XYLT2: variants seen among roughly 807,000 people sequenced by gnomAD.
The protein encoded by XYLT2 is xylosyltransferase 2.
In XYLT2, 37 loss-of-function variants were observed where a neutral mutation model predicts 82.6. The ratio of observed to expected loss-of-function variants is 0.45; its 90% CI spans 0.34 to 0.59. The LOEUF (loss-of-function observed/expected upper bound fraction) is 0.59. Among genes scored for constraint, XYLT2 ranks in the 20% least tolerant of loss-of-function variants. The pLI, the probability that XYLT2 is intolerant of heterozygous loss-of-function variation, is 0.01. For synonymous variants in XYLT2, 474 were observed against 499.0 expected (o/e 0.95, Z 0.67); for missense variants, 934 against 1,181.3 (o/e 0.79, Z 3.07).
Position 50,346,330 on chromosome 17 carries a change from T to TGGCGGGGCTGCGGGCGGCCCC in XYLT2, c.135+56_135+76dup. On this transcript the variant is annotated intron_variant, in intron 1 of 10. Coordinates refer to ENST00000017003, the MANE Select transcript of XYLT2 (RefSeq NM_022167.4). The surrounding 1 kb of genome is among the most constrained non-coding windows in gnomAD (Gnocchi z 5.1). Reference sequence around the variant, plus strand: ...CCGGGCGCGGGGGCGCGCGGGGTCCTGGCGGGGCTGCGGGCGGCCCCAGCC... The same window carrying TGGCGGGGCTGCGGGCGGCCCC: ...CCGGGCGCGGGGGCGCGCGGGGTCCTGGCGGGGCTGCGGGCGGCCCCGGCGGGGCTGCGGGCGGCCCCAGCC... 2.0e-6 allele frequency: 2 copies of TGGCGGGGCTGCGGGCGGCCCC among 1,008,936 alleles called. No individual in the cohort carries two copies. Among genetic ancestry groups the TGGCGGGGCTGCGGGCGGCCCC allele is most frequent in the Non-Finnish European group, 2.4e-6 (2 of 846,720 alleles). 62.5% of individuals were successfully genotyped at this position (1,008,936 alleles called of 1,614,324 possible). A position where few individuals can be genotyped will look rare whatever the true frequency, so the allele number is the denominator to read the frequency against.
At position 50,353,910 on chromosome 17, in the gene XYLT2, C is replaced by G. The variant is rs756146002; in HGVS notation, c.416C>G (p.Pro139Arg). ...GCGCTGGTAGGGGCAGCTGGCTTCC[C>G]ACCACACGGAGATACAGGGAGCGTG... ...GEALVGAAGF[P>R]PHGDTGSVEG... Residue 139 changes from proline to arginine, a missense_variant, in exon 2 of 11, where the codon CCA becomes CGA. Physicochemically the swap from Pro to Arg is moderately radical, Grantham distance 103. This residue lies in a region of XYLT2 where 371 missense variants were observed against 394.9 expected (regional missense o/e 0.94). Transcript: ENST00000017003. 7 of 1,608,758 alleles carry G rather than the reference C, an allele frequency of 4.4e-6. No individual in the cohort carries two copies. Among genetic ancestry groups the G allele is most frequent in the Non-Finnish European group, 5.1e-6 (6 of 1,179,746 alleles).
rs983445977 is a variant in XYLT2 at position 50,357,191 on chromosome 17, C to T, written c.1880C>T (p.Pro627Leu). The T allele has an allele frequency of 2.5e-6, 4 of 1,611,584 alleles. No individual in the cohort carries two copies. In the African/African-American group the frequency reaches 4.0e-5, roughly 16 times the overall value. Residue 627 changes from proline to leucine, a missense_variant, in exon 9 of 11, where the codon CCC (proline) becomes CTC (leucine). This residue lies in a region of XYLT2 where 374 missense variants were observed against 465.6 expected (regional missense o/e 0.80). Transcript: ENST00000017003. ...GAGACGCTTGAGATGTGGCTGATGCCCCAAGGGTCGCTGAAGCTGTTGGGG... is the reference window on the plus strand; with the variant it reads ...GAGACGCTTGAGATGTGGCTGATGCTCCAAGGGTCGCTGAAGCTGTTGGGG... ...PAETLEMWLM[P>L]QGSLKLLGRS...
At position 50,354,578 on chromosome 17, in the gene XYLT2, G is replaced by T; in HGVS notation, c.799G>T (p.Asp267Tyr). Residue 267 changes from aspartate (D) to tyrosine (Y), a missense_variant, in exon 3 of 11, where the codon GAC becomes TAC. This residue lies in a region of XYLT2 where 371 missense variants were observed against 394.9 expected (regional missense o/e 0.94). Transcript: ENST00000017003. ...HEQHFFYIHV[D>Y]KRSDYLHREV... ...GCAGCACTTCTTTTACATCCATGTG[G>T]ACAAGGTACTGTGGTGGGGAGAGGC... 6.2e-7 allele frequency: 1 copy of T among 1,607,648 alleles called. No homozygotes were observed.
chr17:50,347,011 C>T (rs762170602), intron 1 of XYLT2: 829 of 900,326 alleles, frequency 9.2e-4, no homozygotes, highest in Middle Eastern at 5.1e-3. Context: ...TAACAGAGCC[C>T]CAGCCGCAGA....
At position 50,346,297 on chromosome 17, in the gene XYLT2, CG is replaced by C; in HGVS notation, c.135+25del. The C allele has an allele frequency of 1.9e-6, 2 of 1,055,782 alleles. No homozygotes were observed. Among genetic ancestry groups the C allele is most frequent in the East Asian group, 1.5e-4 (2 of 13,338 alleles). 65.4% of individuals were successfully genotyped at this position (1,055,782 alleles called of 1,614,324 possible). On this transcript the variant is annotated intron_variant, in intron 1 of 10. Coordinates refer to ENST00000017003, the MANE Select transcript of XYLT2 (RefSeq NM_022167.4). This position sits in a 1 kb window ranked among gnomAD's most constrained non-coding sequence, Gnocchi z 5.1. ...CGAGGTGCTCCGACGGCCGGGCGGG[CG>C]GGCAGGCCGGGCGCGGGGGCGCGCG...
intron 9 of XYLT2, 48 bp from the exon 10 acceptor site, chr17:50,358,159 G>A (rs1567808362): frequency 2.0e-6 from 3 of 1,498,950 alleles, no homozygotes; most frequent in Non-Finnish European, 1.8e-6. Flanking sequence ...AGAGGAGGGA[G>A]AAGGACCTTT....
chr17:50,355,585 AG>A lies in XYLT2; in HGVS notation c.1088+9del. The A allele has an allele frequency of 6.2e-7, 1 of 1,613,954 alleles. No homozygotes were observed. The highest frequency in any genetic ancestry group is 8.5e-7 in the Non-Finnish European group (1 of 1,179,932). On this transcript the variant is annotated splice_donor_5th_base_variant and intron_variant, in intron 5 of 10. Transcript: ENST00000017003. Reference sequence around the variant, plus strand: ...CACATGGCCGGGACAACTCCAGGTGAGGGGGTGGGGAAGGAGGCCCTGGCCC... The same window carrying A: ...CACATGGCCGGGACAACTCCAGGTGAGGGGTGGGGAAGGAGGCCCTGGCCC...
intron 1 of XYLT2, 31 bp from the exon 2 acceptor site, chr17:50,353,599 C>T (rs940124476): frequency 3.9e-6 from 6 of 1,546,532 alleles, no homozygotes; most frequent in Non-Finnish European, 4.4e-6. Context: ...TGAGGGTCTG[C>T]CCCAGTGATG....
chr17:50,357,165 A>G lies in XYLT2; in HGVS notation c.1854A>G (p.Ala618=). The G allele has an allele frequency of 6.2e-7, 1 of 1,613,230 alleles. No homozygotes were observed. Among genetic ancestry groups the G allele is most frequent in the Non-Finnish European group, 8.5e-7 (1 of 1,179,944 alleles). ...TGCAGCCCTCAGCCCAGGGGCCGGCAGAGACGCTTGAGATGTGGCTGATGC... is the reference window on the plus strand; with the variant it reads ...TGCAGCCCTCAGCCCAGGGGCCGGCGGAGACGCTTGAGATGTGGCTGATGC... ...QAVQPSAQGP[A]ETLEMWLMPQ... Residue 618 remains alanine, a synonymous_variant, in exon 9 of 11, where the codon GCA becomes GCG. Transcript: ENST00000017003.
In XYLT2 at chr17:50,346,468, G is replaced by C; in HGVS notation, c.135+193G>C. ...CCAGCAGGCCTAGGGAGCTGCGCGC[G>C]GGGGCAGTGCGTGACCTGGAGACCC... On this transcript the variant is annotated intron_variant, in intron 1 of 10. Transcript: ENST00000017003. This position sits in a 1 kb window ranked among gnomAD's most constrained non-coding sequence, Gnocchi z 5.1. The C allele has an allele frequency of 5.9e-6, 5 of 842,784 alleles. No individual in the cohort carries two copies. Among genetic ancestry groups the C allele is most frequent in the Non-Finnish European group, 7.1e-6 (5 of 699,634 alleles). 52.2% of individuals were successfully genotyped at this position (842,784 alleles called of 1,614,324 possible). A position where few individuals can be genotyped will look rare whatever the true frequency, so the allele number is the denominator to read the frequency against.
chr17:50,353,256 C>T (rs1201870861), intron 1 of XYLT2, among the ~76,000 whole-genome samples: 1 of 152,174 alleles, frequency 6.6e-6, no homozygotes, highest in Non-Finnish European at 1.5e-5. Context: ...TAGGTGGACA[C>T]TTGTACCCTC....
intron 10 of XYLT2, 21 bp from the exon 11 acceptor site, chr17:50,359,948 C>A: frequency 6.5e-7 from 1 of 1,550,126 alleles, no homozygotes; most frequent in Non-Finnish European, 8.7e-7. Flanking sequence ...GGTGTGCTTA[C>A]TGCCTGCTCT....
At chr17:50,354,354 C>A in intron 2 of XYLT2, 54 bp from the exon 3 acceptor site, 1 of 1,544,898 alleles carries the variant, frequency 6.5e-7, no homozygotes, top group Non-Finnish European at 8.7e-7. Flanking sequence ...TCCCATCTCA[C>A]CCCCACCCTG....
chr17:50,356,802 C>G, intron 8 of XYLT2, 29 bp downstream of exon 8: 1 of 1,583,198 alleles, frequency 6.3e-7, no homozygotes, highest in Non-Finnish European at 8.6e-7. Flanking sequence ...ATACAGCAGG[C>G]CCTTGGGGTG....
Position 50,354,681 on chromosome 17 carries a change from G to GA in XYLT2, c.804+98_804+99insA, listed in dbSNP as rs11430429. On this transcript the variant is annotated intron_variant, in intron 3 of 10. Transcript: ENST00000017003. ...TCTCTGACCTGGCCCAGGTAGCCTA[G>GA]GAGGGAAACTGAGGCCCTGAACAGG... The GA allele has an allele frequency of 1, 1,529,947 of 1,533,854 alleles. 763,088 individuals carry two copies. Among genetic ancestry groups the GA allele is most frequent in the East Asian group, 1 (43,834 of 43,834 alleles).
chr17:50,351,419 G>A (rs548471217), intron 1 of XYLT2, among the ~76,000 whole-genome samples: 96 of 152,214 alleles, frequency 6.3e-4, no homozygotes, highest in South Asian at 3.5e-3. Context: ...GGTGGATCAC[G>A]AGGTCAGGAG....
intron 7 of XYLT2, 110 bp downstream of exon 7, chr17:50,356,371 C>A: frequency 1.3e-6 from 2 of 1,549,616 alleles, no homozygotes; most frequent in East Asian, 4.5e-5. Flanking sequence ...CGGCCTGCAG[C>A]AACCCTCAGG....
At chr17:50,354,153 A>G (rs541088141) in intron 2 of XYLT2, 31 bp downstream of exon 2, 101 of 1,598,574 alleles carry the variant, frequency 6.3e-5, no homozygotes, top group Non-Finnish European at 7.9e-5. Flanking sequence ...AGCCCTTCCC[A>G]GGCGGGGGCA....
Position 50,354,028 on chromosome 17 carries a change from C to T in XYLT2, c.534C>T (p.Thr178=). ...TGTCTGCACTGGCCCGGGCCAGCAC[C>T]AAGCAGTGCCAGCAGGAGATCGCCA... The part of the protein sequence containing the change: ...DALSALARAS[T]KQCQQEIANV... The change falls in exon 2 of 11, where the codon ACC becomes ACT. Residue 178 remains threonine, a synonymous_variant. Transcript: ENST00000017003. 1.2e-6 allele frequency: 2 copies of T among 1,607,972 alleles called. No individual in the cohort carries two copies. The highest frequency in any genetic ancestry group is 8.5e-7 in the Non-Finnish European group (1 of 1,179,934).
Sources: gnomAD v4.1 joint callset for allele counts (sites outside exome capture counted in the v4.1 genomes callset) on GRCh38, gnomAD v4.1.1 for gene constraint, gnomAD v4.1.1 regional missense constraint, Gnocchi (gnomAD v3.1) non-coding constraint, MANE v1.5 for transcripts, NCBI Gene and HGNC (gene_info 2026-07-23, HGNC 2026-07-21) for gene names.